IQSEC3: variants seen among roughly 807,000 people sequenced by gnomAD.
The protein encoded by IQSEC3 is IQ motif and SEC7 domain-containing protein 3.
In IQSEC3, 50 loss-of-function variants were observed where a neutral mutation model predicts 105.4. The observed-to-expected ratio is 0.47, with a 90% CI of 0.38 to 0.60. The LOEUF is 0.60. Among genes scored for constraint, IQSEC3 ranks in the 20% least tolerant of loss-of-function variants. The pLI is 0.00. For missense variants in IQSEC3, 1,415 were observed against 1,630.0 expected (o/e 0.87, Z 2.27); for synonymous variants, 708 against 746.0 (o/e 0.95, Z 0.83).
At chr12:87,604 A>C (rs1442187179) in intron 1 of IQSEC3, among the ~76,000 whole-genome samples, 6 of 152,214 alleles carry the variant, frequency 3.9e-5, no homozygotes, top group African/African-American at 1.4e-4. Context: ...TGGAAGACTG[A>C]CTGCAGAAGG....
intron 1 of IQSEC3, among the ~76,000 whole-genome samples, chr12:88,774 C>T (rs1555072687): frequency 6.6e-6 from 1 of 152,170 alleles, no homozygotes; most frequent in Admixed American, 6.5e-5. Flanking sequence ...CCCTCCACAG[C>T]CCCCAGGCCT....
chr12:94,765 C>T (rs957206054), intron 1 of IQSEC3, among the ~76,000 whole-genome samples: 94 of 152,378 alleles, frequency 6.2e-4, no homozygotes, highest in African/African-American at 2.2e-3. Flanking sequence ...CTCTGGGAAA[C>T]AGGGGCAGGA....
chr12:71,940 T>G (rs1352750797), intron 1 of IQSEC3, among the ~76,000 whole-genome samples: 7 of 152,290 alleles, frequency 4.6e-5, no homozygotes, highest in Non-Finnish European at 2.9e-5. Flanking sequence ...GCTGGCATAG[T>G]GTGACCACTT....
intron 1 of IQSEC3, among the ~76,000 whole-genome samples, chr12:95,143 G>T (rs996665125): frequency 2.6e-5 from 4 of 152,148 alleles, no homozygotes; most frequent in Admixed American, 2.6e-4. Flanking sequence ...TCTTTGATTT[G>T]CCCCGGGAAT....
intron 1 of IQSEC3, among the ~76,000 whole-genome samples, chr12:69,641 G>A (rs1292793061): frequency 3.3e-5 from 5 of 152,368 alleles, no homozygotes; most frequent in Admixed American, 2.0e-4. Context: ...CCATAGATGT[G>A]CCTGCCTCCC....
At chr12:107,628 T>C (rs907224793) in intron 2 of IQSEC3, among the ~76,000 whole-genome samples, 1 of 152,022 alleles carries the variant, frequency 6.6e-6, no homozygotes, top group Non-Finnish European at 1.5e-5. Context: ...GCCAGGATGG[T>C]CTCGATCTCC....
At chr12:165,243 A>G in intron 9 of IQSEC3, 191 bp from the exon 10 acceptor site, 1 of 606,456 alleles carries the variant, frequency 1.6e-6, no homozygotes. Context: ...GGGAATAACC[A>G]CTGTAGGGTT....
At chr12:162,513 G>A (rs1284171127) in intron 8 of IQSEC3, among the ~76,000 whole-genome samples, 1 of 152,216 alleles carries the variant, frequency 6.6e-6, no homozygotes, top group Non-Finnish European at 1.5e-5. Context: ...TTCCAAGCCT[G>A]CCATGATTTT....
chr12:78,218 G>T (rs1863620229), intron 1 of IQSEC3, among the ~76,000 whole-genome samples: 1 of 151,530 alleles, frequency 6.6e-6, no homozygotes, highest in South Asian at 2.1e-4. Flanking sequence ...CGGCCCGAGG[G>T]GGCTCGGAAG....
At chr12:71,282 A>C (rs1413522012) in intron 1 of IQSEC3, among the ~76,000 whole-genome samples, 10 of 152,280 alleles carry the variant, frequency 6.6e-5, no homozygotes, top group Non-Finnish European at 1.3e-4. Flanking sequence ...ATTAAGAAAG[A>C]AAGTGTGAAG....
chr12:126,696 G>A (rs982158939), intron 3 of IQSEC3, among the ~76,000 whole-genome samples: 34 of 152,284 alleles, frequency 2.2e-4, no homozygotes, highest in African/African-American at 6.0e-4. Flanking sequence ...GGAGTTGCCA[G>A]TTAAACCCTC....
intron 1 of IQSEC3, among the ~76,000 whole-genome samples, chr12:90,135 T>C (rs1375548793): frequency 6.6e-6 from 1 of 152,260 alleles, no homozygotes; most frequent in Non-Finnish European, 1.5e-5. Context: ...TAGTATCTGC[T>C]TGTGGTTTTA....
At chr12:162,754 T>A (rs782778741) in intron 8 of IQSEC3, among the ~76,000 whole-genome samples, 2 of 152,170 alleles carry the variant, frequency 1.3e-5, no homozygotes, top group Non-Finnish European at 2.9e-5. Flanking sequence ...TGCAAGCGAC[T>A]GGTTTGTCTT....
chr12:146,600 C>A (rs566396646), intron 5 of IQSEC3, among the ~76,000 whole-genome samples: 1 of 151,616 alleles, frequency 6.6e-6, no homozygotes, highest in Admixed American at 6.6e-5. Context: ...GAGTTGTGAC[C>A]GTGCCACTGC....
intron 1 of IQSEC3, among the ~76,000 whole-genome samples, chr12:88,197 C>G (rs1348935373): frequency 3.9e-5 from 6 of 152,198 alleles, no homozygotes; most frequent in African/African-American, 1.4e-4. Flanking sequence ...ATCAGAGCTT[C>G]ATTAGTTGAA....
At chr12:104,658 G>A (rs1325296920) in intron 2 of IQSEC3, among the ~76,000 whole-genome samples, 1 of 152,198 alleles carries the variant, frequency 6.6e-6, no homozygotes, top group Non-Finnish European at 1.5e-5. Context: ...CGGGCCGCCC[G>A]CCCTGGTGGC....
intron 13 of IQSEC3, chr12:171,517 G>C: frequency 1.7e-6 from 1 of 603,640 alleles, no homozygotes; most frequent in South Asian, 2.0e-5. Context: ...TGCTCCCCCA[G>C]TACTTGCTGT....
intron 1 of IQSEC3, among the ~76,000 whole-genome samples, chr12:78,178 G>A (rs1166940260): frequency 3.3e-5 from 5 of 150,586 alleles, no homozygotes; most frequent in African/African-American, 1.2e-4. Flanking sequence ...GGGGCCTCCC[G>A]GCGCAGGGCG....
intron 11 of IQSEC3, among the ~76,000 whole-genome samples, chr12:168,450 CCT>C (rs781991071): frequency 1.1e-4 from 16 of 152,262 alleles, no homozygotes; most frequent in South Asian, 2.1e-4. Context: ...GGGTGTCACC[CCT>C]GTCAGCAGGC....
Sources: allele counts gnomAD v4.1 joint callset (sites outside exome capture counted in the v4.1 genomes callset), GRCh38; gene constraint gnomAD v4.1.1; transcripts MANE v1.5; gene names NCBI Gene and HGNC (gene_info 2026-07-23, HGNC 2026-07-21).